Variants in PRKAG2 observed in about 807,000 individuals in gnomAD.
PRKAG2 encodes the protein protein kinase AMP-activated non-catalytic subunit gamma 2, also known as 5'-AMP-activated protein kinase subunit gamma-2.
Under a neutral mutation model 69.6 loss-of-function variants are expected in PRKAG2, and 26 were observed. The observed-to-expected ratio is 0.37, with a 90% CI of 0.27 to 0.52. The LOEUF (loss-of-function observed/expected upper bound fraction) is 0.52. Among genes scored for constraint, PRKAG2 ranks in the 20% least tolerant of loss-of-function variants. PRKAG2 has a pLI of 0.90. For synonymous variants in PRKAG2, 293 were observed against 285.0 expected (o/e 1.03, Z -0.28); for missense variants, 557 against 740.0 (o/e 0.75, Z 2.87).
At chr7:151,832,613 A>T (rs2079064337) in intron 1 of PRKAG2, among the ~76,000 whole-genome samples, 1 of 145,364 alleles carries the variant, frequency 6.9e-6, no homozygotes, top group Admixed American at 6.9e-5. Context: ...GGGTCCCAGC[A>T]CAGCCCACCC....
rs1030181894 is a variant in PRKAG2 at position 151,642,562 on chromosome 7, G to T, written c.685-10424C>A. Among the ~76,000 whole-genome samples, 3 of 152,290 alleles carry T rather than the reference G, an allele frequency of 2.0e-5. No individual in the cohort carries two copies. The East Asian group carries it at 5.8e-4, about 29-fold the overall frequency. ...AAGAAGTGTATTAATTCTGCTGATTGCTTTTAATCAATATATTTGGAGAGA... is the reference window on the plus strand; with the variant it reads ...AAGAAGTGTATTAATTCTGCTGATTTCTTTTAATCAATATATTTGGAGAGA... On this transcript the variant is annotated intron_variant, in intron 4 of 15. Transcript: ENST00000287878.
At chr7:151,786,565 G>A (rs761410475) in intron 1 of PRKAG2, 24 bp from the exon 2 acceptor site, 30 of 1,601,004 alleles carry the variant, frequency 1.9e-5, no homozygotes, top group Non-Finnish European at 2.4e-5. Context: ...AGAGCACGTG[G>A]TCAGTGACAG....
At chr7:151,870,744 C>T (rs2080201197) in intron 1 of PRKAG2, among the ~76,000 whole-genome samples, 1 of 152,246 alleles carries the variant, frequency 6.6e-6, no homozygotes, top group Admixed American at 6.5e-5. Context: ...CCCAGGCCAT[C>T]ACCAGCTCGG....
chr7:151,569,096 CT>C (rs1806949823), intron 10 of PRKAG2, among the ~76,000 whole-genome samples: 1 of 152,146 alleles, frequency 6.6e-6, no homozygotes, highest in African/African-American at 2.4e-5. Context: ...GAGACAGGGT[CT>C]TGCTCTGTTG....
At chr7:151,842,956 T>C (rs2079346902) in intron 1 of PRKAG2, among the ~76,000 whole-genome samples, 1 of 152,024 alleles carries the variant, frequency 6.6e-6, no homozygotes, top group African/African-American at 2.4e-5. Flanking sequence ...TGTCCCTACT[T>C]TGGGACACTG....
chr7:151,865,365 A>G (rs1201712935), intron 1 of PRKAG2, among the ~76,000 whole-genome samples: 1 of 152,258 alleles, frequency 6.6e-6, no homozygotes, highest in Non-Finnish European at 1.5e-5. Context: ...AGCCCCAACC[A>G]CGAGAACTTC....
chr7:151,725,137 C>A (rs1269877447), intron 3 of PRKAG2, among the ~76,000 whole-genome samples: 1 of 152,096 alleles, frequency 6.6e-6, no homozygotes, highest in Non-Finnish European at 1.5e-5. Context: ...CGAGAAGCAA[C>A]CCACGTGTCC....
intron 6 of PRKAG2, among the ~76,000 whole-genome samples, chr7:151,581,047 T>C (rs991359618): frequency 6.6e-6 from 1 of 152,158 alleles, no homozygotes; most frequent in African/African-American, 2.4e-5. Flanking sequence ...TATCAAAATA[T>C]TTCATGCACC....
At chr7:151,859,767 T>G (rs1023211675) in intron 1 of PRKAG2, among the ~76,000 whole-genome samples, 1 of 152,188 alleles carries the variant, frequency 6.6e-6, no homozygotes, top group Non-Finnish European at 1.5e-5. Context: ...CAGTGAGAGC[T>G]GCAGGTTAAG....
In PRKAG2 at chr7:151,779,587, G is replaced by A. The variant is rs570298981; in HGVS notation, c.466+1565C>T. On this transcript the variant is annotated intron_variant, in intron 3 of 15. Coordinates refer to ENST00000287878, the MANE Select transcript of PRKAG2 (RefSeq NM_016203.4). The stretch of plus-strand genomic sequence containing the variant: ...GGTTCCCTGTGCTGCTCTCCGCCCC[G>A]CTCAGAAAGCCTGCCCTGTCCTAAC... Among the ~76,000 whole-genome samples the A allele has an allele frequency of 6.6e-5, 10 of 152,310 alleles. 1 individual carries two copies. The highest frequency in any genetic ancestry group is 1.2e-4 in the African/African-American group (5 of 41,554).
intron 1 of PRKAG2, among the ~76,000 whole-genome samples, chr7:151,868,834 T>G (rs958389711): frequency 6.6e-6 from 1 of 152,156 alleles, no homozygotes; most frequent in African/African-American, 2.4e-5. Context: ...TCAGCTCTTA[T>G]AGGAAAACAG....
intron 1 of PRKAG2, among the ~76,000 whole-genome samples, chr7:151,848,966 G>A (rs1328863344): frequency 6.6e-6 from 1 of 152,220 alleles, no homozygotes; most frequent in Non-Finnish European, 1.5e-5. Context: ...AGTTGGGGAG[G>A]CCAGCCACCG....
rs542528389 is a variant in PRKAG2, at chr7:151,770,793, C to A, written c.466+10359G>T. Among the ~76,000 whole-genome samples the A allele has an allele frequency of 3.3e-5, 5 of 152,330 alleles. No homozygotes were observed. The South Asian group carries it at 1.0e-3, about 32-fold the overall frequency. On this transcript the variant is annotated intron_variant, in intron 3 of 15. Coordinates refer to ENST00000287878, the MANE Select transcript of PRKAG2 (RefSeq NM_016203.4). ...TGGGTTTTAGGAGTTCGACCTGGAG[C>A]TGTAGGGGGGTGAGATAGAAAGTGG...
At chr7:151,779,882 C>G (rs562793682) in intron 3 of PRKAG2, among the ~76,000 whole-genome samples, 34 of 152,256 alleles carry the variant, frequency 2.2e-4, no homozygotes, top group Middle Eastern at 6.8e-3. Context: ...GCACTTTGAT[C>G]CCTCATCTCT....
At chr7:151,845,411 T>C (rs768362596) in intron 1 of PRKAG2, among the ~76,000 whole-genome samples, 2 of 152,120 alleles carry the variant, frequency 1.3e-5, no homozygotes, top group Non-Finnish European at 2.9e-5. Context: ...AGGAACTTGC[T>C]AGAAAAGCAC....
At chr7:151,842,600 TGGTAGTGATGGTA>T (rs1454401495) in intron 1 of PRKAG2, among the ~76,000 whole-genome samples, 6 of 137,634 alleles carry the variant, frequency 4.4e-5, no homozygotes, top group Non-Finnish European at 9.2e-5. Flanking sequence ...TAGGTAGGGA[TGGTAGTGATGGTA>T]GGTAGTGATG....
intron 3 of PRKAG2, among the ~76,000 whole-genome samples, chr7:151,676,020 C>T (rs577711082): frequency 2.4e-4 from 37 of 152,286 alleles, no homozygotes; most frequent in Admixed American, 1.4e-3. Flanking sequence ...GGTGCTCACA[C>T]GGTCCCGAGT....
At chr7:151,851,688 C>T (rs2079572239) in intron 1 of PRKAG2, among the ~76,000 whole-genome samples, 1 of 152,208 alleles carries the variant, frequency 6.6e-6, no homozygotes, top group Non-Finnish European at 1.5e-5. Flanking sequence ...GGGCCCCACT[C>T]TGCATGCTGG....
Position 151,807,744 on chromosome 7 carries a change from A to C in PRKAG2, c.115-21203T>G. ...AGCATTTCAGAGGAAGCCAGGAGCG[A>C]GAACTCGTGCATCCGAACCCTTCTC... is the stretch of plus-strand genomic sequence containing the variant. On this transcript the variant is annotated intron_variant, in intron 1 of 15. Coordinates refer to ENST00000287878, the MANE Select transcript of PRKAG2 (RefSeq NM_016203.4). The surrounding 1 kb of genome is among the most constrained non-coding windows in gnomAD (Gnocchi z 4.4). 2.6e-6 allele frequency: 1 copy of C among 386,018 alleles called. No individual in the cohort carries two copies. 23.9% of individuals were successfully genotyped at this position (386,018 alleles called of 1,614,324 possible). A position where few individuals can be genotyped will look rare whatever the true frequency, so the allele number is the denominator to read the frequency against.
Sources: gnomAD v4.1 joint callset for allele counts (sites outside exome capture counted in the v4.1 genomes callset) on GRCh38, gnomAD v4.1.1 for gene constraint, Gnocchi (gnomAD v3.1) non-coding constraint, MANE v1.5 for transcripts, NCBI Gene and HGNC (gene_info 2026-07-23, HGNC 2026-07-21) for gene names.